KCNJ6: variants seen among roughly 807,000 people sequenced by gnomAD.
The protein encoded by KCNJ6 is potassium inwardly rectifying channel subfamily J member 6.
In KCNJ6, 9 loss-of-function variants were observed where a neutral mutation model predicts 34.2. The observed-to-expected ratio is 0.26, with a 90% CI of 0.16 to 0.46. The LOEUF (loss-of-function observed/expected upper bound fraction) is 0.46, where lower values mean the gene tolerates loss of function less well. KCNJ6 is among the 20% of genes least tolerant of loss of function. The pLI, the probability that KCNJ6 is intolerant of heterozygous loss-of-function variation, is 1.00. For synonymous variants in KCNJ6, 196 were observed against 207.1 expected, an observed-to-expected ratio of 0.95 and a Z score of 0.46; for missense variants, 236 against 531.3, an observed-to-expected ratio of 0.44 and a Z score of 5.46.
intron 1 of KCNJ6, among the ~76,000 whole-genome samples, chr21:37,858,262 G>A (rs1046290753): frequency 4.0e-5 from 6 of 151,508 alleles, no homozygotes; most frequent in Admixed American, 1.3e-4. Context: ...GCGTAGTGGC[G>A]GGCGCCTGTA....
chr21:37,906,530 T>G (rs528950563), intron 1 of KCNJ6, among the ~76,000 whole-genome samples: 1 of 152,236 alleles, frequency 6.6e-6, no homozygotes, highest in Non-Finnish European at 1.5e-5. Context: ...TCAGGGTTCC[T>G]GATCCAGTAG....
chr21:37,649,521 G>A (rs2054422501), intron 3 of KCNJ6, among the ~76,000 whole-genome samples: 1 of 152,174 alleles, frequency 6.6e-6, no homozygotes, highest in Admixed American at 6.5e-5. Flanking sequence ...TTCTGTAGTG[G>A]GAGGCTGTGG....
chr21:37,837,311 T>C (rs2055456900), intron 2 of KCNJ6, among the ~76,000 whole-genome samples: 1 of 152,150 alleles, frequency 6.6e-6, no homozygotes, highest in Non-Finnish European at 1.5e-5. Flanking sequence ...AGCAAAGTCG[T>C]CAGAAAAATA....
intron 2 of KCNJ6, among the ~76,000 whole-genome samples, chr21:37,821,615 T>C (rs2055373586): frequency 6.6e-6 from 1 of 152,204 alleles, no homozygotes; most frequent in Admixed American, 6.5e-5. Context: ...AAGGTAATTA[T>C]TTTTAAATGA....
intron 1 of KCNJ6, 127 bp downstream of exon 1, chr21:37,915,757 A>T (rs1224307552): frequency 6.6e-6 from 1 of 152,118 alleles, no homozygotes; most frequent in African/African-American, 2.4e-5. Context: ...AATGTTTCTC[A>T]TGAGAGTGGA....
At chr21:37,743,965 T>A (rs1053087729) in intron 2 of KCNJ6, among the ~76,000 whole-genome samples, 7 of 151,964 alleles carry the variant, frequency 4.6e-5, no homozygotes, top group Non-Finnish European at 1.0e-4. Context: ...GTTATATTCA[T>A]GAAAATGCTT....
intron 3 of KCNJ6, among the ~76,000 whole-genome samples, chr21:37,699,487 C>G (rs776123201): frequency 7.2e-5 from 11 of 152,164 alleles, no homozygotes; most frequent in Non-Finnish European, 1.3e-4. Context: ...ATCACCCTTC[C>G]CATGTTTTGC....
At chr21:37,843,053 T>C (rs931654610) in intron 1 of KCNJ6, among the ~76,000 whole-genome samples, 6 of 152,134 alleles carry the variant, frequency 3.9e-5, no homozygotes, top group Admixed American at 2.0e-4. Context: ...TCTGATGGCA[T>C]CAGCAGTGAG....
At chr21:37,862,854 G>A (rs967230397) in intron 1 of KCNJ6, among the ~76,000 whole-genome samples, 2 of 152,202 alleles carry the variant, frequency 1.3e-5, no homozygotes, top group Non-Finnish European at 2.9e-5. Flanking sequence ...GTTGCCAGGA[G>A]GAAAAAGCAG....
At chr21:37,731,100 A>AGTGTGTGTGT (rs113587330) in intron 2 of KCNJ6, among the ~76,000 whole-genome samples, 4,495 of 134,730 alleles carry the variant, frequency 0.033, 85 homozygotes, top group Middle Eastern at 0.092. Flanking sequence ...AGATGAGAGA[A>AGTGTGTGTGT]GTGTGTGTGT....
chr21:37,724,557 G>C (rs568918407), intron 2 of KCNJ6, among the ~76,000 whole-genome samples: 4 of 152,354 alleles, frequency 2.6e-5, no homozygotes, highest in East Asian at 1.9e-4. Flanking sequence ...TTGGAGACTA[G>C]TGAGTGTGGA....
At chr21:37,683,331 GC>G (rs1335520688) in intron 3 of KCNJ6, among the ~76,000 whole-genome samples, 1 of 152,156 alleles carries the variant, frequency 6.6e-6, no homozygotes, top group Non-Finnish European at 1.5e-5. Context: ...CAGGGAAGAA[GC>G]CCCCCTTTCT....
chr21:37,667,521 GCCGGGGTAGCGGGGT>G (rs1351140116), intron 3 of KCNJ6, among the ~76,000 whole-genome samples: 3 of 151,446 alleles, frequency 2.0e-5, no homozygotes, highest in East Asian at 1.9e-4. Context: ...GGTAGTGGGC[GCCGGGGTAGCGGGGT>G]CCGGGGTAGC....
chr21:37,891,734 G>T (rs936131526), intron 1 of KCNJ6, among the ~76,000 whole-genome samples: 4 of 152,122 alleles, frequency 2.6e-5, no homozygotes, highest in African/African-American at 9.7e-5. Context: ...AAATTTTAAA[G>T]GCTTGAATAT....
chr21:37,841,414 G>A (rs1269462673), intron 1 of KCNJ6, among the ~76,000 whole-genome samples: 1 of 152,054 alleles, frequency 6.6e-6, no homozygotes, highest in Non-Finnish European at 1.5e-5. Context: ...ATTTCTTTGT[G>A]TTCCTAACAT....
intron 2 of KCNJ6, among the ~76,000 whole-genome samples, chr21:37,780,176 A>G (rs1225227970): frequency 6.6e-6 from 1 of 152,218 alleles, no homozygotes; most frequent in Non-Finnish European, 1.5e-5. Flanking sequence ...GGAGGCTTAA[A>G]TGCACATTGC....
At position 37,701,261 on chromosome 21, in the gene KCNJ6, G is replaced by A. The variant is rs574691296; in HGVS notation, c.946+12950C>T. On this transcript the variant is annotated intron_variant, in intron 3 of 3. Transcript: ENST00000609713. ...CAGGACAGAGCCCTGGGGAACCACC[G>A]AGGTTTTGAATTGCAGGTGGAGGAA... Among the ~76,000 whole-genome samples, 151 of 152,146 alleles carry A rather than the reference G, an allele frequency of 9.9e-4. 1 individual carries two copies. The highest frequency in any genetic ancestry group is 1.8e-3 in the Non-Finnish European group (122 of 68,030).
intron 1 of KCNJ6, among the ~76,000 whole-genome samples, chr21:37,863,561 C>A (rs1240178130): frequency 6.6e-6 from 1 of 152,164 alleles, no homozygotes; most frequent in Non-Finnish European, 1.5e-5. Flanking sequence ...GCTTTATGCA[C>A]AGGGTGTGGT....
At chr21:37,639,953 T>C (rs1037648996) in intron 3 of KCNJ6, among the ~76,000 whole-genome samples, 1 of 152,248 alleles carries the variant, frequency 6.6e-6, no homozygotes, top group Non-Finnish European at 1.5e-5. Context: ...AATCTGATGC[T>C]ATCATGCTTC....
Sources: gnomAD v4.1 joint callset for allele counts (sites outside exome capture counted in the v4.1 genomes callset) on GRCh38, gnomAD v4.1.1 for gene constraint, MANE v1.5 for transcripts, NCBI Gene and HGNC (gene_info 2026-07-23, HGNC 2026-07-21) for gene names.